Variants in SGCD observed in about 807,000 individuals in gnomAD.
The protein encoded by SGCD is delta-sarcoglycan.
A neutral mutation model predicts 36.6 loss-of-function variants in SGCD; 18 were observed. That is an observed-to-expected ratio of 0.49 (90% CI 0.34 to 0.73). The LOEUF is 0.73. Ranked by LOEUF, SGCD falls within the 30% of genes least tolerant of loss-of-function variation. The pLI is 0.01. For synonymous variants in SGCD, 133 were observed against 130.6 expected, an observed-to-expected ratio of 1.02 and a Z score of -0.12; for missense variants, 387 against 346.7, an observed-to-expected ratio of 1.12 and a Z score of -0.92.
At chr5:156,301,092 T>C (rs1767042589) in intron 3 of SGCD, among the ~76,000 whole-genome samples, 1 of 152,018 alleles carries the variant, frequency 6.6e-6, no homozygotes, top group Non-Finnish European at 1.5e-5. Flanking sequence ...ATATTCAATA[T>C]TATTATTGAT....
At chr5:156,033,297 C>T (rs1383163843) in intron 1 of SGCD, among the ~76,000 whole-genome samples, 1 of 152,006 alleles carries the variant, frequency 6.6e-6, no homozygotes, top group African/African-American at 2.4e-5. Context: ...ACATATATTG[C>T]ATAATAGTAA....
chr5:156,689,956 G>C (rs1162917968), intron 7 of SGCD, among the ~76,000 whole-genome samples: 1 of 152,154 alleles, frequency 6.6e-6, no homozygotes, highest in Non-Finnish European at 1.5e-5. Flanking sequence ...TGTAGTGTCT[G>C]TGATATCTTG....
chr5:155,930,639 AT>A (rs1270678753), intron 1 of SGCD, among the ~76,000 whole-genome samples: 1 of 152,052 alleles, frequency 6.6e-6, no homozygotes, highest in Non-Finnish European at 1.5e-5. Context: ...TAGCTCATGG[AT>A]TTTTCATAAT....
intron 3 of SGCD, among the ~76,000 whole-genome samples, chr5:156,423,389 T>G (rs2127781332): frequency 1.1e-5 from 1 of 88,014 alleles, no homozygotes; most frequent in Non-Finnish European, 2.0e-5. Flanking sequence ...TAATATAATA[T>G]ATTATATTTT....
At chr5:156,281,533 C>A (rs1052579477) in intron 3 of SGCD, among the ~76,000 whole-genome samples, 1 of 151,968 alleles carries the variant, frequency 6.6e-6, no homozygotes, top group Non-Finnish European at 1.5e-5. Context: ...ATTATTGAGG[C>A]CCCTGCCAGG....
intron 7 of SGCD, among the ~76,000 whole-genome samples, chr5:156,649,987 T>C (rs1763399713): frequency 1.3e-5 from 2 of 152,218 alleles, no homozygotes; most frequent in African/African-American, 2.4e-5. Flanking sequence ...TGTCTTGGCT[T>C]TAAGCGGTAA....
intron 1 of SGCD, among the ~76,000 whole-genome samples, chr5:156,018,097 C>G (rs1259343432): frequency 6.6e-6 from 1 of 152,142 alleles, no homozygotes; most frequent in Admixed American, 6.6e-5. Context: ...GAGGTCAAGG[C>G]TGCAGTGAAC....
At chr5:155,911,939 A>T (rs890792862) in intron 1 of SGCD, among the ~76,000 whole-genome samples, 1 of 152,036 alleles carries the variant, frequency 6.6e-6, no homozygotes, top group Non-Finnish European at 1.5e-5. Flanking sequence ...GAGTGGCCCC[A>T]ATTTGGGAGG....
chr5:156,493,145 T>C (rs1756021781), intron 3 of SGCD, among the ~76,000 whole-genome samples: 1 of 152,186 alleles, frequency 6.6e-6, no homozygotes, highest in Non-Finnish European at 1.5e-5. Flanking sequence ...CCACACTGTC[T>C]TCCACAATGG....
intron 6 of SGCD, among the ~76,000 whole-genome samples, chr5:156,622,435 A>AAAAAATAATAAT (rs1344795810): frequency 2.2e-5 from 3 of 137,086 alleles, no homozygotes; most frequent in Non-Finnish European, 3.1e-5. Flanking sequence ...TCTGTCTAAA[A>AAAAAATAATAAT]AATAATAATA....
At chr5:156,105,940 G>A (rs1218520214) in intron 1 of SGCD, among the ~76,000 whole-genome samples, 10 of 151,260 alleles carry the variant, frequency 6.6e-5, no homozygotes, top group African/African-American at 2.4e-4. Flanking sequence ...GTGAAACCCC[G>A]TCTCTACTAA....
In SGCD at chr5:156,223,720, G is replaced by A. The variant is rs773624966; in HGVS notation, c.-44+99701G>A. Among the ~76,000 whole-genome samples the A allele has an allele frequency of 1.2e-4, 19 of 152,060 alleles. No individual in the cohort carries two copies. The South Asian group carries it at 2.3e-3, about 18-fold the overall frequency. On this transcript the variant is annotated intron_variant, in intron 3 of 9. Coordinates refer to the SGCD transcript ENST00000517913. ...CCTTAGAAGAGAAACACAGCAGTAC[G>A]TGGTGACAGGCTAAATGCAGAGGGG... is the stretch of plus-strand genomic sequence containing the variant.
chr5:156,222,652 T>G (rs1764745099), intron 3 of SGCD, among the ~76,000 whole-genome samples: 1 of 152,120 alleles, frequency 6.6e-6, no homozygotes, highest in South Asian at 2.1e-4. Flanking sequence ...TTGTCTCAAA[T>G]TTTTACAAAA....
intron 3 of SGCD, among the ~76,000 whole-genome samples, chr5:156,150,719 C>T (rs1762813161): frequency 6.6e-6 from 1 of 151,652 alleles, no homozygotes; most frequent in South Asian, 2.1e-4. Context: ...CTCTTAAAAT[C>T]CATTCTTGTG....
chr5:156,635,941 C>T (rs891785152), intron 6 of SGCD, among the ~76,000 whole-genome samples: 9 of 151,872 alleles, frequency 5.9e-5, no homozygotes, highest in East Asian at 5.8e-4. Flanking sequence ...TGTTAAATGA[C>T]GAGTTAATGG....
chr5:156,534,308 G>A (rs1044750972), intron 4 of SGCD, among the ~76,000 whole-genome samples: 4 of 152,036 alleles, frequency 2.6e-5, no homozygotes, highest in African/African-American at 7.3e-5. Flanking sequence ...CTTTCCATGT[G>A]TTCACAGTCT....
intron 7 of SGCD, among the ~76,000 whole-genome samples, chr5:156,683,385 A>G (rs1367019018): frequency 1.3e-5 from 2 of 152,214 alleles, no homozygotes; most frequent in East Asian, 1.9e-4. Context: ...TTTTATCCCC[A>G]GTATCAAACA....
chr5:155,873,216 A>C (rs1010996714), intron 1 of SGCD, among the ~76,000 whole-genome samples: 1 of 152,282 alleles, frequency 6.6e-6, no homozygotes, highest in East Asian at 1.9e-4. Context: ...GCATGACTTT[A>C]GTTAGCCACA....
rs1434755609 is a variant in SGCD at position 156,535,808 on chromosome 5, T to C, written c.294+27106T>C. On this transcript the variant is annotated intron_variant, in intron 4 of 8. Coordinates refer to ENST00000337851, the MANE Select transcript of SGCD (RefSeq NM_000337.6). Reference sequence around the variant, plus strand: ...TTCCAAAATGTTATTGCCTGTCCTGTCTTTGATGAGCCATCACAGTATAAT... The same window carrying C: ...TTCCAAAATGTTATTGCCTGTCCTGCCTTTGATGAGCCATCACAGTATAAT... 2.0e-5 allele frequency among the ~76,000 whole-genome samples: 3 copies of C among 152,326 alleles called. No individual in the cohort carries two copies. In the East Asian group the frequency reaches 5.8e-4, roughly 29 times the overall value.
Sources: allele counts gnomAD v4.1 joint callset (sites outside exome capture counted in the v4.1 genomes callset), GRCh38; gene constraint gnomAD v4.1.1; transcripts MANE v1.5; gene names NCBI Gene and HGNC (gene_info 2026-07-23, HGNC 2026-07-21).